ASF1B: variants seen among roughly 807,000 people sequenced by gnomAD.
The protein encoded by ASF1B is histone chaperone ASF1B.
Under a neutral mutation model 16.6 loss-of-function variants are expected in ASF1B, and 10 were observed. That is an observed-to-expected ratio of 0.60 (90% confidence interval 0.37 to 1.02). The LOEUF is 1.02. Among genes scored for constraint, ASF1B ranks in the 50% least tolerant of loss-of-function variants. The probability of loss-of-function intolerance (pLI) is 0.01; values close to 1 mark genes in which losing one functional copy is unlikely to be tolerated. For missense variants in ASF1B, 240 were observed against 266.0 expected, an observed-to-expected ratio of 0.90 and a Z score of 0.68; for synonymous variants, 101 against 106.2, an observed-to-expected ratio of 0.95 and a Z score of 0.30.
chr19:14,131,284 T>C (rs980524388), intron 1 of ASF1B, among the ~76,000 whole-genome samples: 21 of 150,706 alleles, frequency 1.4e-4, no homozygotes, highest in Non-Finnish European at 2.2e-4. Flanking sequence ...TCCCGGGTTC[T>C]AGCGATTCTT....
intron 2 of ASF1B, among the ~76,000 whole-genome samples, 174 bp from the exon 3 acceptor site, chr19:14,121,882 G>A (rs1195826519): frequency 1.3e-5 from 2 of 151,588 alleles, no homozygotes; most frequent in African/African-American, 4.9e-5. Context: ...CAGCATCCCA[G>A]GCAGCTGGGA....
At chr19:14,130,090 ACT>A (rs1967379125) in intron 1 of ASF1B, among the ~76,000 whole-genome samples, 1 of 150,864 alleles carries the variant, frequency 6.6e-6, no homozygotes, top group Non-Finnish European at 1.5e-5. Flanking sequence ...ATGGAGTCTC[ACT>A]CTGTTGCCCA....
intron 2 of ASF1B, among the ~76,000 whole-genome samples, chr19:14,123,793 T>TC (rs1334743938): frequency 2.7e-5 from 4 of 150,220 alleles, no homozygotes; most frequent in Non-Finnish European, 5.9e-5. Context: ...CCTATTTTTT[T>TC]TTTTTTTTTT....
At chr19:14,132,720 A>G (rs1219444210) in intron 1 of ASF1B, among the ~76,000 whole-genome samples, 1 of 152,142 alleles carries the variant, frequency 6.6e-6, no homozygotes, top group East Asian at 1.9e-4. Flanking sequence ...TGGGATACTG[A>G]GGCCGGAGAA....
intron 1 of ASF1B, 25 bp downstream of exon 1, chr19:14,136,323 G>C: frequency 3.1e-6 from 5 of 1,598,198 alleles, no homozygotes; most frequent in Non-Finnish European, 4.3e-6. Flanking sequence ...CGGGGGTGGG[G>C]GTCCCCGCAC....
chr19:14,122,681 A>G (rs1449193308), intron 2 of ASF1B, among the ~76,000 whole-genome samples: 3 of 152,162 alleles, frequency 2.0e-5, no homozygotes, highest in Non-Finnish European at 4.4e-5. Flanking sequence ...ACTGATGGAA[A>G]CACAGAATCA....
At chr19:14,121,223 C>T (rs1334175286) in intron 3 of ASF1B, 7 of 439,408 alleles carry the variant, frequency 1.6e-5, no homozygotes, top group Non-Finnish European at 2.8e-5. Flanking sequence ...TGGGCTCAAG[C>T]GATCCTCCCA....
chr19:14,135,725 T>A (rs1433325580), intron 1 of ASF1B, among the ~76,000 whole-genome samples: 1 of 151,676 alleles, frequency 6.6e-6, no homozygotes, highest in Non-Finnish European at 1.5e-5. Flanking sequence ...GAGGTCTCCA[T>A]AGGGAAAATA....
chr19:14,128,461 AT>A (rs1277761778), intron 1 of ASF1B, among the ~76,000 whole-genome samples: 1 of 151,948 alleles, frequency 6.6e-6, no homozygotes, highest in Non-Finnish European at 1.5e-5. Flanking sequence ...GCCTCTTACT[AT>A]TTGCAGGGAG....
At chr19:14,135,203 AAC>A (rs1967469525) in intron 1 of ASF1B, among the ~76,000 whole-genome samples, 1 of 149,826 alleles carries the variant, frequency 6.7e-6, no homozygotes, top group African/African-American at 2.5e-5. Context: ...CAGCCTGGGC[AAC>A]AGAGTGAGAC....
At chr19:14,125,095 T>G (rs538658311) in intron 2 of ASF1B, among the ~76,000 whole-genome samples, 4 of 152,112 alleles carry the variant, frequency 2.6e-5, no homozygotes, top group Admixed American at 2.6e-4. Flanking sequence ...GCCTCCCGAG[T>G]AGCTGGGATT....
chr19:14,132,857 C>T (rs1967426751), intron 1 of ASF1B, among the ~76,000 whole-genome samples: 1 of 151,560 alleles, frequency 6.6e-6, no homozygotes, highest in Non-Finnish European at 1.5e-5. Context: ...ATACGACGGG[C>T]ACGGTGGCTC....
At chr19:14,122,358 C>T (rs1024958454) in intron 2 of ASF1B, among the ~76,000 whole-genome samples, 4 of 145,652 alleles carry the variant, frequency 2.7e-5, no homozygotes, top group South Asian at 2.2e-4. Flanking sequence ...TGAGCCATTG[C>T]GCCTGGACTT....
At chr19:14,120,715 G>A (rs1158605318) in intron 3 of ASF1B, 50 bp from the exon 4 acceptor site, 2 of 1,570,540 alleles carry the variant, frequency 1.3e-6, no homozygotes, top group Admixed American at 1.7e-5. Flanking sequence ...CCTCTCCTTG[G>A]TCCCATAGAG....
At chr19:14,134,798 C>T (rs1209540329) in intron 1 of ASF1B, among the ~76,000 whole-genome samples, 4 of 152,070 alleles carry the variant, frequency 2.6e-5, no homozygotes, top group Admixed American at 2.6e-4. Flanking sequence ...GAGGCTGTGA[C>T]CTCCAAGCTC....
intron 1 of ASF1B, among the ~76,000 whole-genome samples, chr19:14,133,572 G>A (rs541575064): frequency 6.6e-6 from 1 of 152,022 alleles, no homozygotes; most frequent in African/African-American, 2.4e-5. Flanking sequence ...GGAGGCTGAG[G>A]CAGGAGAATC....
intron 1 of ASF1B, 80 bp from the exon 2 acceptor site, chr19:14,126,317 T>C: frequency 1.0e-6 from 1 of 1,002,450 alleles, no homozygotes; most frequent in African/African-American, 1.6e-5. Flanking sequence ...ATTTTTTTTT[T>C]TTTTTGAGAT....
At chr19:14,124,416 A>G (rs892145113) in intron 2 of ASF1B, among the ~76,000 whole-genome samples, 1 of 151,802 alleles carries the variant, frequency 6.6e-6, no homozygotes, top group African/African-American at 2.4e-5. Context: ...CTGCCTCCCA[A>G]AGTGCTGGAA....
At chr19:14,129,980 G>T (rs1271349946) in intron 1 of ASF1B, among the ~76,000 whole-genome samples, 1 of 151,684 alleles carries the variant, frequency 6.6e-6, no homozygotes, top group East Asian at 2.0e-4. Context: ...ACTCCAGCCT[G>T]GGTGACAGAG....
Sources: allele counts gnomAD v4.1 joint callset (sites outside exome capture counted in the v4.1 genomes callset), GRCh38; gene constraint gnomAD v4.1.1; transcripts MANE v1.5; gene names NCBI Gene and HGNC (gene_info 2026-07-23, HGNC 2026-07-21).